Variants in SLC8A3 observed in about 807,000 individuals in gnomAD.
The protein encoded by SLC8A3 is sodium/calcium exchanger 3.
A neutral mutation model predicts 65.4 loss-of-function variants in SLC8A3; 37 were observed. The observed-to-expected ratio is 0.57, with a 90% confidence interval of 0.44 to 0.74. SLC8A3 has a LOEUF of 0.74. Among genes scored for constraint, SLC8A3 ranks in the 30% least tolerant of loss-of-function variants. The pLI is 0.00. For missense variants in SLC8A3, 1,112 were observed against 1,172.1 expected (o/e 0.95, Z 0.75); for synonymous variants, 461 against 444.5 (o/e 1.04, Z -0.47).
intron 1 of SLC8A3, among the ~76,000 whole-genome samples, chr14:70,179,638 C>T (rs1346918855): frequency 6.6e-6 from 1 of 152,188 alleles, no homozygotes; most frequent in Non-Finnish European, 1.5e-5. Flanking sequence ...GGACAGAAGT[C>T]GTGAGTCTAA....
rs36183214 is a variant in SLC8A3 at position 70,126,547 on chromosome 14, T to TTCTCTCTCTCTCTC, written c.1784+40078_1784+40091dup. Among the ~76,000 whole-genome samples, 575 of 117,984 alleles carry TTCTCTCTCTCTCTC rather than the reference T, an allele frequency of 4.9e-3. 2 individuals are homozygous for TTCTCTCTCTCTCTC. The highest frequency in any genetic ancestry group is 0.011 in the East Asian group (35 of 3,328). 77.4% of individuals were successfully genotyped at this position (117,984 alleles called of 152,430 possible). A position where few individuals can be genotyped will look rare whatever the true frequency, so the allele number is the denominator to read the frequency against. On this transcript the variant is annotated intron_variant, in intron 2 of 6. Transcript: ENST00000356921. ...TTAGAATATAAAGGAAGAAAGAAAA[T>TTCTCTCTCTCTCTC]TCTCTCTCTCTCTCTCTCTCTCTCA...
intron 1 of SLC8A3, among the ~76,000 whole-genome samples, chr14:70,181,295 T>C (rs984307690): frequency 3.9e-5 from 6 of 152,132 alleles, no homozygotes; most frequent in African/African-American, 9.7e-5. Flanking sequence ...TTTTAGGAAA[T>C]AGTATAGATC....
chr14:70,050,573 A>G (rs1263169325), intron 5 of SLC8A3, among the ~76,000 whole-genome samples: 1 of 152,168 alleles, frequency 6.6e-6, no homozygotes, highest in East Asian at 1.9e-4. Flanking sequence ...AGTCAATGCA[A>G]CACATTTTAT....
intron 2 of SLC8A3, among the ~76,000 whole-genome samples, chr14:70,090,230 C>T (rs1891715376): frequency 1.3e-5 from 2 of 152,140 alleles, no homozygotes; most frequent in Admixed American, 1.3e-4. Context: ...CATGTTTTAC[C>T]AGAAATATTC....
At chr14:70,178,484 T>A (rs1298028266) in intron 1 of SLC8A3, among the ~76,000 whole-genome samples, 2 of 152,206 alleles carry the variant, frequency 1.3e-5, no homozygotes, top group Non-Finnish European at 2.9e-5. Flanking sequence ...CTGTTTCAAA[T>A]GACCGCAGTT....
intron 2 of SLC8A3, among the ~76,000 whole-genome samples, chr14:70,065,773 A>T (rs8013407): frequency 0.11 from 16,504 of 152,280 alleles, 913 homozygotes; most frequent in African/African-American, 0.14. Context: ...TATCATCTTC[A>T]GTCATTAATT....
chr14:70,125,722 G>A (rs938221071), intron 2 of SLC8A3, among the ~76,000 whole-genome samples: 6 of 151,956 alleles, frequency 3.9e-5, no homozygotes, highest in Non-Finnish European at 8.8e-5. Flanking sequence ...TCATATGGTA[G>A]TTCTATTTTC....
rs534438841 is a variant in SLC8A3, at chr14:70,078,151, G to A, written c.1785-17212C>T. Among the ~76,000 whole-genome samples, 18 of 152,310 alleles carry A rather than the reference G, an allele frequency of 1.2e-4. No individual in the cohort carries two copies. The South Asian group carries it at 1.5e-3, about 12-fold the overall frequency. On this transcript the variant is annotated intron_variant, in intron 2 of 6. Transcript: ENST00000356921. ...GGGCAGGTAAGAGTCAGGCAGACTC[G>A]TTCACCTGAAACAGGAGATGGTGAA...
chr14:70,134,052 A>G (rs1329655610), intron 2 of SLC8A3, among the ~76,000 whole-genome samples: 2 of 152,136 alleles, frequency 1.3e-5, no homozygotes, highest in Non-Finnish European at 2.9e-5. Flanking sequence ...GCTTTTGGGC[A>G]CTTGTCCTGA....
chr14:70,148,427 G>A (rs1896065110), intron 2 of SLC8A3, among the ~76,000 whole-genome samples: 1 of 152,128 alleles, frequency 6.6e-6, no homozygotes, highest in Non-Finnish European at 1.5e-5. Flanking sequence ...GCAGAAGAGG[G>A]TACTTTTTTC....
intron 5 of SLC8A3, 47 bp from the exon 6 acceptor site, chr14:70,049,089 A>G (rs1389586237): frequency 6.4e-7 from 1 of 1,550,556 alleles, no homozygotes; most frequent in Admixed American, 1.8e-5. Context: ...GAAGTCAGAT[A>G]ATCATTCATG....
chr14:70,152,988 C>T (rs1896365291), intron 2 of SLC8A3, among the ~76,000 whole-genome samples: 1 of 152,192 alleles, frequency 6.6e-6, no homozygotes, highest in South Asian at 2.1e-4. Context: ...CACAGAAACA[C>T]CCTCTGAAGA....
chr14:70,065,376 A>C (rs1889306143), intron 2 of SLC8A3, among the ~76,000 whole-genome samples: 1 of 152,112 alleles, frequency 6.6e-6, no homozygotes, highest in Non-Finnish European at 1.5e-5. Context: ...CATGAACTCC[A>C]AACCCTCATC....
chr14:70,152,359 T>C (rs571533011), intron 2 of SLC8A3, among the ~76,000 whole-genome samples: 7 of 152,196 alleles, frequency 4.6e-5, no homozygotes, highest in Admixed American at 2.0e-4. Context: ...ACCAGAGAAA[T>C]TGGAGCATCT....
Position 70,166,760 on chromosome 14 carries a change from T to C in SLC8A3, c.1663A>G (p.Thr555Ala). 6.2e-7 allele frequency: 1 copy of C among 1,613,986 alleles called. No homozygotes were observed. Among genetic ancestry groups the C allele is most frequent in the Non-Finnish European group, 8.5e-7 (1 of 1,179,844 alleles). Residue 555 changes from threonine (T) to alanine (A), a missense_variant, in exon 2 of 7, where the codon ACA (threonine) becomes GCA (alanine). Transcript: ENST00000356921. ...ATGACTGTACCCCGGGCACCTGATGTCCGCAGAACCTTGACCTCCATAACA... is the reference window on the plus strand; with the variant it reads ...ATGACTGTACCCCGGGCACCTGATGCCCGCAGAACCTTGACCTCCATAACA... ...IGVMEVKVLR[T>A]SGARGTVIVP...
At chr14:70,127,427 C>T (rs1054568705) in intron 2 of SLC8A3, among the ~76,000 whole-genome samples, 1 of 152,112 alleles carries the variant, frequency 6.6e-6, no homozygotes, top group African/African-American at 2.4e-5. Flanking sequence ...TTTGTAGACC[C>T]GTGTTCTTTG....
chr14:70,145,903 C>G (rs1895895815), intron 2 of SLC8A3, among the ~76,000 whole-genome samples: 1 of 147,678 alleles, frequency 6.8e-6, no homozygotes, highest in Non-Finnish European at 1.5e-5. Context: ...GCACTCAAGG[C>G]AGCTGGTTTT....
intron 2 of SLC8A3, among the ~76,000 whole-genome samples, chr14:70,079,330 C>CAAAAAAAAAAAAAAAA (rs11464342): frequency 2.5e-5 from 2 of 80,928 alleles, no homozygotes; most frequent in Non-Finnish European, 2.4e-5. Context: ...CTAAAAAATA[C>CAAAAAAAAAAAAAAAA]AAAAAAAAAA....
intron 2 of SLC8A3, among the ~76,000 whole-genome samples, chr14:70,149,613 G>C (rs1206808965): frequency 6.6e-6 from 1 of 152,126 alleles, no homozygotes; most frequent in Non-Finnish European, 1.5e-5. Context: ...CTGCCTACAG[G>C]CTGCTCCAAG....
Sources: allele counts gnomAD v4.1 joint callset (sites outside exome capture counted in the v4.1 genomes callset), GRCh38; gene constraint gnomAD v4.1.1; transcripts MANE v1.5; gene names NCBI Gene and HGNC (gene_info 2026-07-23, HGNC 2026-07-21).